The following ETV1 variants were observed in gnomAD, a reference collection of about 807,000 sequenced individuals.
ETV1 encodes ETS variant transcription factor 1, also known as ETS translocation variant 1.
Under a neutral mutation model 62.3 loss-of-function variants are expected in ETV1, and 27 were observed. That is an observed-to-expected ratio of 0.43 (90% CI 0.32 to 0.60). ETV1 has a LOEUF of 0.60. ETV1 is among the 20% of genes least tolerant of loss of function. The probability of loss-of-function intolerance (pLI) is 0.06; values close to 1 mark genes in which losing one functional copy is unlikely to be tolerated. For missense variants in ETV1, 605 were observed against 605.8 expected (o/e 1.00, Z 0.01); for synonymous variants, 222 against 199.6 (o/e 1.11, Z -0.94).
intron 6 of ETV1, among the ~76,000 whole-genome samples, chr7:13,941,016 A>AGT (rs143662053): frequency 2.6e-5 from 4 of 152,014 alleles, no homozygotes; most frequent in East Asian, 3.9e-4. Context: ...TTTTTAATGT[A>AGT]GTGTGTGTGT....
Position 13,892,278 on chromosome 7 carries a change from T to C in ETV1, c.*3588A>G, listed in dbSNP as rs1436356797. 1 of 232,742 alleles carries C rather than the reference T, an allele frequency of 4.3e-6. No homozygotes were observed. Among genetic ancestry groups the C allele is most frequent in the Non-Finnish European group, 8.5e-6 (1 of 117,798 alleles). The allele number at this position is 232,742 out of a possible 1,614,324, so 14.4% of individuals were successfully genotyped here. ...CCTTCTGTTTTTCTGTTTCATGACTTAGTGTTTTCCTGGGGGCTGGGGAAG... is the reference window on the plus strand; with the variant it reads ...CCTTCTGTTTTTCTGTTTCATGACTCAGTGTTTTCCTGGGGGCTGGGGAAG... On this transcript the variant is annotated 3_prime_UTR_variant, in exon 14 of 14. Coordinates refer to ENST00000430479, the MANE Select transcript of ETV1 (RefSeq NM_004956.5).
intron 13 of ETV1, among the ~76,000 whole-genome samples, chr7:13,896,939 A>C (rs2128401154): frequency 6.6e-6 from 1 of 152,280 alleles, no homozygotes; most frequent in South Asian, 2.1e-4. Flanking sequence ...AAAAAGTGAA[A>C]GGAATTTAAA....
At chr7:13,965,801 C>T (rs944604182) in intron 6 of ETV1, among the ~76,000 whole-genome samples, 4 of 152,028 alleles carry the variant, frequency 2.6e-5, no homozygotes, top group African/African-American at 9.7e-5. Context: ...TCCATTAGCC[C>T]TCAAAGAAAA....
chr7:13,962,317 G>A (rs1790276402), intron 6 of ETV1, among the ~76,000 whole-genome samples: 2 of 151,810 alleles, frequency 1.3e-5, no homozygotes, highest in South Asian at 4.2e-4. Flanking sequence ...GCTTGTACAA[G>A]GTCACACAGC....
chr7:13,934,313 T>A (rs1786535590), intron 8 of ETV1, among the ~76,000 whole-genome samples: 1 of 152,244 alleles, frequency 6.6e-6, no homozygotes, highest in Admixed American at 6.5e-5. Context: ...CAAGGCTTTG[T>A]ATCACATTGT....
intron 6 of ETV1, among the ~76,000 whole-genome samples, chr7:13,958,036 A>G (rs1789697623): frequency 6.6e-6 from 1 of 152,218 alleles, no homozygotes; most frequent in Admixed American, 6.5e-5. Flanking sequence ...CTCTTACCAT[A>G]CAAGGCATAC....
rs190440375 is a variant in ETV1 at position 13,901,929 on chromosome 7, T to C, written c.1111-1090A>G. 2.2e-4 allele frequency among the ~76,000 whole-genome samples: 34 copies of C among 152,264 alleles called. No individual in the cohort carries two copies. The East Asian group carries it at 4.3e-3, about 19-fold the overall frequency. On this transcript the variant is annotated intron_variant, in intron 12 of 13. Transcript: ENST00000430479. ...AGCAATGTATCTAAGAGTTTTTCAA[T>C]AGAGCTTTAAAAAAAATCCTCTCTC...
chr7:13,943,082 T>C (rs954825255), intron 6 of ETV1, among the ~76,000 whole-genome samples: 14 of 152,152 alleles, frequency 9.2e-5, no homozygotes, highest in Admixed American at 8.5e-4. Flanking sequence ...AAAGATCTGA[T>C]GAAGAACTCA....
intron 11 of ETV1, among the ~76,000 whole-genome samples, chr7:13,908,096 G>A (rs1783162468): frequency 6.6e-6 from 1 of 151,926 alleles, no homozygotes; most frequent in African/African-American, 2.4e-5. Context: ...CTATAAATGT[G>A]ACTGATCACA....
At chr7:13,921,723 A>G (rs1484053515) in intron 9 of ETV1, among the ~76,000 whole-genome samples, 5 of 152,234 alleles carry the variant, frequency 3.3e-5, no homozygotes, top group African/African-American at 1.2e-4. Context: ...TACAGAATAA[A>G]TAAATTTATG....
intron 6 of ETV1, among the ~76,000 whole-genome samples, chr7:13,941,771 G>A (rs1787531790): frequency 6.6e-6 from 1 of 151,866 alleles, no homozygotes; most frequent in African/African-American, 2.4e-5. Context: ...TCGGGAGGCT[G>A]GGGCACGAGA....
intron 8 of ETV1, among the ~76,000 whole-genome samples, chr7:13,934,069 G>T (rs1220299359): frequency 6.6e-6 from 1 of 152,094 alleles, no homozygotes; most frequent in Non-Finnish European, 1.5e-5. Context: ...ATAAAACTTG[G>T]TTTGTTCATA....
chr7:13,954,429 C>G (rs1413402662), intron 6 of ETV1, among the ~76,000 whole-genome samples: 2 of 152,152 alleles, frequency 1.3e-5, no homozygotes, highest in Non-Finnish European at 2.9e-5. Context: ...GACTAAAACT[C>G]CACATCTATA....
chr7:13,915,223 G>C (rs1437024021), intron 9 of ETV1, among the ~76,000 whole-genome samples: 2 of 152,126 alleles, frequency 1.3e-5, no homozygotes, highest in Admixed American at 6.5e-5. Context: ...ACAAAATCAA[G>C]TGCACATAAA....
At chr7:13,931,816 G>A (rs1786213162) in intron 8 of ETV1, 67 bp from the exon 9 acceptor site, 3 of 1,569,242 alleles carry the variant, frequency 1.9e-6, no homozygotes, top group African/African-American at 1.4e-5. Context: ...ATACGGATAC[G>A]GTTTTCCATT....
intron 9 of ETV1, among the ~76,000 whole-genome samples, chr7:13,919,276 G>C (rs1305036238): frequency 6.6e-6 from 1 of 151,954 alleles, no homozygotes; most frequent in Non-Finnish European, 1.5e-5. Flanking sequence ...ATGGATGTCA[G>C]GCCCAGGATT....
chr7:13,919,609 GAAC>G (rs1784601293), intron 9 of ETV1, among the ~76,000 whole-genome samples: 2 of 122,702 alleles, frequency 1.6e-5, no homozygotes, highest in African/African-American at 6.6e-5. Flanking sequence ...CACAAAATAA[GAAC>G]AATAACCATC....
In ETV1 at chr7:13,968,263, G is replaced by C. The variant is rs561251076; in HGVS notation, c.235+9164C>G. ...TTATATTAAGGACAAAATTAAAGAAGAAAAATAGGAAAGAAAAAGCTAAAG... is the reference window on the plus strand; with the variant it reads ...TTATATTAAGGACAAAATTAAAGAACAAAAATAGGAAAGAAAAAGCTAAAG... On this transcript the variant is annotated intron_variant, in intron 6 of 13. Transcript: ENST00000430479. Among the ~76,000 whole-genome samples, 3 of 151,872 alleles carry C rather than the reference G, an allele frequency of 2.0e-5. No individual in the cohort carries two copies. The South Asian group carries it at 6.2e-4, about 32-fold the overall frequency.
chr7:13,960,180 A>G (rs1790002990), intron 6 of ETV1, among the ~76,000 whole-genome samples: 1 of 152,204 alleles, frequency 6.6e-6, no homozygotes, highest in Non-Finnish European at 1.5e-5. Flanking sequence ...TAGGGAAGAT[A>G]TGCTACCAGT....
Sources: gnomAD v4.1 joint callset for allele counts (sites outside exome capture counted in the v4.1 genomes callset) on GRCh38, gnomAD v4.1.1 for gene constraint, MANE v1.5 for transcripts, NCBI Gene and HGNC (gene_info 2026-07-23, HGNC 2026-07-21) for gene names.